ADAM10: variants seen among roughly 807,000 people sequenced by gnomAD.
The protein encoded by ADAM10 is ADAM metallopeptidase domain 10.
Under a neutral mutation model 90.1 loss-of-function variants are expected in ADAM10, and 17 were observed. That is an observed-to-expected ratio of 0.19 (90% CI 0.13 to 0.28). The LOEUF is 0.28. Among genes scored for constraint, ADAM10 ranks in the 10% least tolerant of loss-of-function variants. The pLI is 1.00. For synonymous variants in ADAM10, 310 were observed against 298.6 expected, an observed-to-expected ratio of 1.04 and a Z score of -0.40; for missense variants, 610 against 914.3, an observed-to-expected ratio of 0.67 and a Z score of 4.29.
intron 14 of ADAM10, among the ~76,000 whole-genome samples, chr15:58,602,713 A>G (rs1478985564): frequency 6.6e-6 from 1 of 152,318 alleles, no homozygotes; most frequent in East Asian, 1.9e-4. Flanking sequence ...GTCTTATTTA[A>G]TTCTCAGATT....
At chr15:58,652,295 G>T (rs975518099) in intron 5 of ADAM10, among the ~76,000 whole-genome samples, 4 of 152,068 alleles carry the variant, frequency 2.6e-5, no homozygotes, top group Admixed American at 6.6e-5. Flanking sequence ...TGTGCTTATG[G>T]GGTTTTACTC....
chr15:58,623,970 TAAAGTG>T (rs1327697438), intron 10 of ADAM10, among the ~76,000 whole-genome samples: 1 of 141,102 alleles, frequency 7.1e-6, no homozygotes, highest in East Asian at 2.3e-4. Context: ...TCCCGGAACT[TAAAGTG>T]AAATTTAAAA....
intron 5 of ADAM10, among the ~76,000 whole-genome samples, chr15:58,662,791 A>T (rs1438238192): frequency 6.6e-6 from 1 of 152,178 alleles, no homozygotes; most frequent in Non-Finnish European, 1.5e-5. Flanking sequence ...ACCTGTGCAG[A>T]TATCTGGAGC....
chr15:58,633,393 T>C, intron 8 of ADAM10, 34 bp from the exon 9 acceptor site: 1 of 1,589,590 alleles, frequency 6.3e-7, no homozygotes, highest in Non-Finnish European at 8.6e-7. Context: ...TAAATTAGTA[T>C]CTGTTTCCCC....
At chr15:58,622,925 A>C (rs1895829386) in intron 10 of ADAM10, among the ~76,000 whole-genome samples, 1 of 152,254 alleles carries the variant, frequency 6.6e-6, no homozygotes, top group African/African-American at 2.4e-5. Flanking sequence ...CATATATCCC[A>C]GTATAGGCAA....
rs1896208501 is a variant in ADAM10 at position 58,634,948 on chromosome 15, ATAC to A, written c.1013-1592_1013-1590del. Among the ~76,000 whole-genome samples, 3 of 152,220 alleles carry A rather than the reference ATAC, an allele frequency of 2.0e-5. 1 individual carries two copies. Among genetic ancestry groups the A allele is most frequent in the African/African-American group, 7.2e-5 (3 of 41,454 alleles). On this transcript the variant is annotated intron_variant, in intron 8 of 15. Transcript: ENST00000260408. The stretch of plus-strand genomic sequence containing the variant: ...AAAATAGGTCTGCAAGAACAGCATT[ATAC>A]TACGACTGTTGCCTTGCTCCCATTA...
intron 2 of ADAM10, among the ~76,000 whole-genome samples, chr15:58,696,793 C>T (rs1897992010): frequency 6.6e-6 from 1 of 152,106 alleles, no homozygotes. Flanking sequence ...AGAAAATCAT[C>T]TCATACTGAC....
chr15:58,609,918 G>A, intron 14 of ADAM10: 1 of 259,236 alleles, frequency 3.9e-6, no homozygotes, highest in South Asian at 4.6e-5. Context: ...TGAAAGATCA[G>A]GAAAAATCAC....
At chr15:58,745,282 T>C (rs995489232) in intron 1 of ADAM10, among the ~76,000 whole-genome samples, 1 of 152,246 alleles carries the variant, frequency 6.6e-6, no homozygotes, top group Non-Finnish European at 1.5e-5. Flanking sequence ...AGCTAATTGC[T>C]GAAGTTATTG....
chr15:58,705,623 T>C (rs1898259029), intron 2 of ADAM10, among the ~76,000 whole-genome samples: 2 of 152,198 alleles, frequency 1.3e-5, no homozygotes, highest in South Asian at 4.1e-4. Context: ...AGAACCACCT[T>C]TGGTGCAGAG....
intron 14 of ADAM10, among the ~76,000 whole-genome samples, chr15:58,602,740 G>A (rs1468972908): frequency 6.6e-6 from 1 of 152,056 alleles, no homozygotes; most frequent in African/African-American, 2.4e-5. Context: ...CTATACAGAA[G>A]AGTCCCACAG....
chr15:58,738,431 T>C (rs1286188031), intron 1 of ADAM10, among the ~76,000 whole-genome samples: 2 of 152,228 alleles, frequency 1.3e-5, no homozygotes, highest in African/African-American at 4.8e-5. Flanking sequence ...ACTTCTACAA[T>C]GTGAATTCAA....
At chr15:58,598,702 G>C (rs1447462798) in intron 15 of ADAM10, among the ~76,000 whole-genome samples, 1 of 152,208 alleles carries the variant, frequency 6.6e-6, no homozygotes, top group Non-Finnish European at 1.5e-5. Context: ...GTAGAGAATA[G>C]CTACGAATAC....
intron 4 of ADAM10, among the ~76,000 whole-genome samples, chr15:58,675,247 T>C (rs1485662597): frequency 6.6e-6 from 1 of 152,108 alleles, no homozygotes; most frequent in African/African-American, 2.4e-5. Flanking sequence ...AATAATAAAT[T>C]TGAAATGAAA....
At chr15:58,709,234 G>C (rs1898397836) in intron 2 of ADAM10, among the ~76,000 whole-genome samples, 1 of 152,088 alleles carries the variant, frequency 6.6e-6, no homozygotes, top group African/African-American at 2.4e-5. Flanking sequence ...TTAACCACTT[G>C]AACAACAGAA....
chr15:58,628,850 C>T lies in ADAM10; in HGVS notation c.1177-967G>A, dbSNP rs1351694515. On this transcript the variant is annotated intron_variant, in intron 9 of 15. Coordinates refer to ENST00000260408, the MANE Select transcript of ADAM10 (RefSeq NM_001110.4). Reference sequence around the variant, plus strand: ...CGTTCTGTTTTTTCCTAGAGCCCAACTAAGTTACTTTCATTTTCTATTCCC... The same window carrying T: ...CGTTCTGTTTTTTCCTAGAGCCCAATTAAGTTACTTTCATTTTCTATTCCC... Among the ~76,000 whole-genome samples the T allele has an allele frequency of 4.6e-5, 7 of 152,312 alleles. No individual in the cohort carries two copies. In the South Asian group the frequency reaches 1.0e-3, roughly 23 times the overall value.
intron 10 of ADAM10, among the ~76,000 whole-genome samples, chr15:58,623,011 G>C (rs140897816): frequency 2.2e-4 from 34 of 152,226 alleles, no homozygotes; most frequent in African/African-American, 8.2e-4. Context: ...AATCGACATG[G>C]AAAACAGTCA....
At chr15:58,660,025 G>C (rs1896930613) in intron 5 of ADAM10, among the ~76,000 whole-genome samples, 1 of 152,140 alleles carries the variant, frequency 6.6e-6, no homozygotes, top group South Asian at 2.1e-4. Flanking sequence ...AATACGCCTG[G>C]CCGTTCTCTC....
At chr15:58,725,418 C>T (rs1898998707) in intron 1 of ADAM10, among the ~76,000 whole-genome samples, 1 of 149,152 alleles carries the variant, frequency 6.7e-6, no homozygotes, top group Admixed American at 6.7e-5. Context: ...TTTTATTGCA[C>T]ACCTGTAATC....
Sources: gnomAD v4.1 joint callset for allele counts (sites outside exome capture counted in the v4.1 genomes callset) on GRCh38, gnomAD v4.1.1 for gene constraint, MANE v1.5 for transcripts, NCBI Gene and HGNC (gene_info 2026-07-23, HGNC 2026-07-21) for gene names.